Variants in PTPRJ observed in about 807,000 individuals in gnomAD.
PTPRJ encodes the protein receptor-type tyrosine-protein phosphatase eta.
PTPRJ carries 129 observed loss-of-function variants against 141.3 expected under a neutral mutation model. The ratio of observed to expected loss-of-function variants is 0.91; its 90% CI spans 0.79 to 1.06. The LOEUF is 1.06. PTPRJ is among the 50% of genes least tolerant of loss of function. The pLI, the probability that PTPRJ is intolerant of heterozygous loss-of-function variation, is 0.00. For missense variants in PTPRJ, 1,601 were observed against 1,679.7 expected (o/e 0.95, Z 0.82); for synonymous variants, 610 against 640.5 (o/e 0.95, Z 0.72).
At chr11:48,039,922 G>A (rs546145849) in intron 1 of PTPRJ, among the ~76,000 whole-genome samples, 1 of 152,136 alleles carries the variant, frequency 6.6e-6, no homozygotes, top group South Asian at 2.1e-4. Flanking sequence ...CCCATTAGCT[G>A]GGAATACAGG....
chr11:48,152,766 G>A (rs1345327958), intron 18 of PTPRJ, among the ~76,000 whole-genome samples: 1 of 152,154 alleles, frequency 6.6e-6, no homozygotes, highest in Non-Finnish European at 1.5e-5. Flanking sequence ...TGAGGGCTCT[G>A]TTCTGTTCCA....
intron 1 of PTPRJ, among the ~76,000 whole-genome samples, chr11:48,032,334 C>CTGACAGCTGAGCGGTGG (rs1387816503): frequency 3.3e-5 from 5 of 152,246 alleles, no homozygotes; most frequent in Non-Finnish European, 7.3e-5. Context: ...TAACCCAACT[C>CTGACAGCTGAGCGGTGG]TGACAGCTGA....
At chr11:48,064,146 A>G (rs889923744) in intron 1 of PTPRJ, among the ~76,000 whole-genome samples, 2 of 151,806 alleles carry the variant, frequency 1.3e-5, no homozygotes, top group African/African-American at 4.8e-5. Context: ...TTTAGTTTTT[A>G]TGTGGGGCAG....
At chr11:48,047,428 G>A (rs1480129274) in intron 1 of PTPRJ, among the ~76,000 whole-genome samples, 4 of 151,816 alleles carry the variant, frequency 2.6e-5, no homozygotes, top group Admixed American at 6.6e-5. Context: ...GGGGTCTCCC[G>A]GTTAGGGTTA....
At chr11:48,137,316 C>G (rs367900476) in intron 10 of PTPRJ, 35 bp downstream of exon 10, 3 of 1,596,162 alleles carry the variant, frequency 1.9e-6, no homozygotes, top group Non-Finnish European at 2.6e-6. Context: ...TGGACTCCTC[C>G]CTGAGTGGTG....
intron 1 of PTPRJ, among the ~76,000 whole-genome samples, chr11:48,067,337 A>G (rs181308139): frequency 4.7e-4 from 71 of 152,292 alleles, no homozygotes; most frequent in African/African-American, 1.6e-3. Flanking sequence ...GCCGCTGCCA[A>G]TGGTGCGGAT....
At chr11:48,106,211 A>T (rs1182195665) in intron 1 of PTPRJ, among the ~76,000 whole-genome samples, 1 of 152,180 alleles carries the variant, frequency 6.6e-6, no homozygotes, top group Admixed American at 6.5e-5. Flanking sequence ...AAGTCCTCTT[A>T]TATTCCAAAT....
chr11:48,000,654 A>G (rs1854472113), intron 1 of PTPRJ, among the ~76,000 whole-genome samples: 1 of 151,932 alleles, frequency 6.6e-6, no homozygotes, highest in Non-Finnish European at 1.5e-5. Context: ...GCTCTAGTAC[A>G]ACAGACACTT....
intron 1 of PTPRJ, among the ~76,000 whole-genome samples, chr11:47,999,684 C>A: frequency 6.6e-6 from 1 of 151,974 alleles, no homozygotes; most frequent in East Asian, 1.9e-4. Context: ...AATATGTAGC[C>A]AGGGTTGAGA....
intron 1 of PTPRJ, among the ~76,000 whole-genome samples, chr11:48,036,540 T>C (rs753737583): frequency 1.4e-4 from 21 of 152,188 alleles, no homozygotes; most frequent in Non-Finnish European, 2.5e-4. Flanking sequence ...TTTTGAAAAG[T>C]GATTTTTAGT....
chr11:48,048,763 C>CAG (rs1449173651), intron 1 of PTPRJ, among the ~76,000 whole-genome samples: 3 of 152,184 alleles, frequency 2.0e-5, no homozygotes, highest in African/African-American at 7.2e-5. Context: ...CACTGCACTC[C>CAG]AGCCTGGGTG....
rs749048894 is a variant in PTPRJ, at chr11:48,123,692, C to T, written c.696C>T (p.Gly232=). Residue 232 remains glycine (G), a synonymous_variant, in exon 5 of 25, where the codon GGC becomes GGT. Coordinates refer to ENST00000418331, the MANE Select transcript of PTPRJ (RefSeq NM_002843.4). ...KAALSWSNGN[G]TASCRVLLES... ...CTCTCTCCTGGAGCAATGGCAATGGCACTGCCTCCTGCCGGGTTCTTCTTG... is the reference window on the plus strand; with the variant it reads ...CTCTCTCCTGGAGCAATGGCAATGGTACTGCCTCCTGCCGGGTTCTTCTTG... 107 of 1,614,042 alleles carry T rather than the reference C, an allele frequency of 6.6e-5. No homozygotes were observed. Among genetic ancestry groups the T allele is most frequent in the Admixed American group, 1.3e-4 (8 of 60,002 alleles).
At chr11:48,114,918 A>G (rs1244705394) in intron 3 of PTPRJ, among the ~76,000 whole-genome samples, 1 of 152,388 alleles carries the variant, frequency 6.6e-6, no homozygotes, top group East Asian at 1.9e-4. Flanking sequence ...AAAATGAAAA[A>G]TGTAATAGAG....
In PTPRJ at chr11:48,146,868, T is replaced by C; in HGVS notation, c.2912-8T>C. 5 of 1,613,806 alleles carry C rather than the reference T, an allele frequency of 3.1e-6. No individual in the cohort carries two copies. Among genetic ancestry groups the C allele is most frequent in the Non-Finnish European group, 4.2e-6 (5 of 1,179,722 alleles). On this transcript the variant is annotated splice_region_variant and splice_polypyrimidine_tract_variant and intron_variant, in intron 14 of 24. Coordinates refer to ENST00000418331, the MANE Select transcript of PTPRJ (RefSeq NM_002843.4). ...TCTTGAAGTGTCTCCCATTTGGACT[T>C]TTCTCAGGTGTCATCTGTGGAGCGG... is the stretch of plus-strand genomic sequence containing the variant.
At position 48,168,799 on chromosome 11, in the gene PTPRJ, C is replaced by G. The variant is rs1454628908; in HGVS notation, c.*1437C>G. On this transcript the variant is annotated 3_prime_UTR_variant, in exon 25 of 25. Transcript: ENST00000418331. ...TGGATTTATTTTATTGGTACATAAT[C>G]TGTAAACTTCTTAAGGCATTAACAT... The G allele has an allele frequency of 2.7e-5, 4 of 148,584 alleles. No individual in the cohort carries two copies. The highest frequency in any genetic ancestry group is 4.4e-5 in the Non-Finnish European group (3 of 67,422). The allele number at this position is 148,584 out of a possible 1,614,324, so 9.2% of individuals were successfully genotyped here.
At chr11:48,093,876 T>A (rs1399511657) in intron 1 of PTPRJ, among the ~76,000 whole-genome samples, 1 of 151,696 alleles carries the variant, frequency 6.6e-6, no homozygotes, top group Non-Finnish European at 1.5e-5. Context: ...CGATCCTCGA[T>A]GAAGTGTTCT....
intron 1 of PTPRJ, among the ~76,000 whole-genome samples, chr11:48,071,744 G>A (rs1381613738): frequency 2.0e-5 from 3 of 149,058 alleles, no homozygotes; most frequent in African/African-American, 7.5e-5. Context: ...CAGTAGCTGG[G>A]ACTACAGATG....
At chr11:48,120,746 T>C (rs1856684296) in intron 3 of PTPRJ, among the ~76,000 whole-genome samples, 1 of 152,190 alleles carries the variant, frequency 6.6e-6, no homozygotes, top group Non-Finnish European at 1.5e-5. Flanking sequence ...CTTAACCCCA[T>C]TTTTAAGTCA....
At chr11:48,021,630 T>C (rs1351100627) in intron 1 of PTPRJ, among the ~76,000 whole-genome samples, 3 of 151,700 alleles carry the variant, frequency 2.0e-5, no homozygotes, top group Non-Finnish European at 4.4e-5. Context: ...CCTCAGCCAT[T>C]GTGTAGATTA....
Sources: gnomAD v4.1 joint callset for allele counts (sites outside exome capture counted in the v4.1 genomes callset) on GRCh38, gnomAD v4.1.1 for gene constraint, MANE v1.5 for transcripts, NCBI Gene and HGNC (gene_info 2026-07-23, HGNC 2026-07-21) for gene names.